The following NRXN1 variants were observed in gnomAD, a reference collection of about 807,000 sequenced individuals.
The protein encoded by NRXN1 is neurexin-1.
A neutral mutation model predicts 150.9 loss-of-function variants in NRXN1; 39 were observed. That is an observed-to-expected ratio of 0.26 (90% confidence interval 0.20 to 0.34). The LOEUF is 0.34. Ranked by LOEUF, NRXN1 falls within the 10% of genes least tolerant of loss-of-function variation. The probability of loss-of-function intolerance (pLI) is 1.00; values close to 1 mark genes in which losing one functional copy is unlikely to be tolerated. For synonymous variants in NRXN1, 924 were observed against 757.0 expected (o/e 1.22, Z -3.62); for missense variants, 1,815 against 1,949.9 (o/e 0.93, Z 1.30).
At chr2:50,061,027 G>A (rs1364142353) in intron 19 of NRXN1, among the ~76,000 whole-genome samples, 1 of 152,120 alleles carries the variant, frequency 6.6e-6, no homozygotes, top group African/African-American at 2.4e-5. Context: ...AGAATGTTTA[G>A]GTTCTCCAGC....
chr2:49,988,113 T>G (rs1681240980), intron 21 of NRXN1, among the ~76,000 whole-genome samples: 1 of 152,074 alleles, frequency 6.6e-6, no homozygotes, highest in Non-Finnish European at 1.5e-5. Context: ...CCTGCTAAAT[T>G]GCTGCAAAAT....
rs79151435 is a variant in NRXN1, at chr2:50,521,762, T to C, written c.2374+6863A>G. On this transcript the variant is annotated intron_variant, in intron 12 of 22. Transcript: ENST00000401669. ...AAAGATGCTTGTGTAGAAAGCTTGC[T>C]GCTCCTACATCTGCTCTGAGGAGAG... is the stretch of plus-strand genomic sequence containing the variant. Among the ~76,000 whole-genome samples the C allele has an allele frequency of 4.5e-3, 689 of 152,296 alleles. 2 individuals are homozygous for C. Among genetic ancestry groups the C allele is most frequent in the African/African-American group, 0.015 (626 of 41,568 alleles).
At chr2:50,629,178 G>A (rs186032709) in intron 5 of NRXN1, among the ~76,000 whole-genome samples, 25 of 151,772 alleles carry the variant, frequency 1.6e-4, no homozygotes, top group African/African-American at 5.3e-4. Context: ...AATGTTTACA[G>A]TGTTACCCTG....
At chr2:50,709,254 T>A (rs1267855840) in intron 5 of NRXN1, among the ~76,000 whole-genome samples, 2 of 152,168 alleles carry the variant, frequency 1.3e-5, no homozygotes, top group Non-Finnish European at 2.9e-5. Context: ...ATATGCTTGC[T>A]AGGTACTGAG....
chr2:50,170,663 T>G (rs996508127), intron 18 of NRXN1, among the ~76,000 whole-genome samples: 2 of 152,020 alleles, frequency 1.3e-5, no homozygotes, highest in Non-Finnish European at 2.9e-5. Context: ...GCTCAAATAG[T>G]GCAAATATTC....
At position 51,028,265 on chromosome 2, in the gene NRXN1, C is replaced by T. The variant is rs770820205; in HGVS notation, c.9G>A (p.Thr3=). The change falls in exon 2 of 23, where the codon ACG becomes ACA. Residue 3 remains threonine, a synonymous_variant. Transcript: ENST00000401669. MG[T]ALLQRGGCFL... ...AACAGCCCCCGCGCTGGAGCAGCGC[C>T]GTCCCCATGCTCGGGGCTGGGGTGC... is the stretch of plus-strand genomic sequence containing the variant. 4 of 1,447,172 alleles carry T rather than the reference C, an allele frequency of 2.8e-6. No homozygotes were observed. The highest frequency in any genetic ancestry group is 3.6e-6 in the Non-Finnish European group (4 of 1,105,838). The allele number at this position is 1,447,172 out of a possible 1,614,324, so 89.6% of individuals were successfully genotyped here.
intron 2 of NRXN1, among the ~76,000 whole-genome samples, chr2:50,989,312 T>A (rs1453743017): frequency 6.6e-6 from 1 of 152,010 alleles, no homozygotes; most frequent in Non-Finnish European, 1.5e-5. Flanking sequence ...GAGAATACAA[T>A]TGTTAAAGTT....
At chr2:50,204,830 A>C (rs1173221378) in intron 18 of NRXN1, among the ~76,000 whole-genome samples, 4 of 152,096 alleles carry the variant, frequency 2.6e-5, no homozygotes, top group Non-Finnish European at 4.4e-5. Flanking sequence ...ATACCAAAAA[A>C]AATCTGGATT....
At position 50,996,291 on chromosome 2, in the gene NRXN1, T is replaced by C. The variant is rs546845029; in HGVS notation, c.772+31211A>G. Among the ~76,000 whole-genome samples, 5 of 152,226 alleles carry C rather than the reference T, an allele frequency of 3.3e-5. No homozygotes were observed. The South Asian group carries it at 1.0e-3, about 32-fold the overall frequency. On this transcript the variant is annotated intron_variant, in intron 2 of 22. Coordinates refer to ENST00000401669, the MANE Select transcript of NRXN1 (RefSeq NM_001330078.2). Reference sequence around the variant, plus strand: ...CATGCTTAAAGTATATTCGCTTGAATGAGATTATCATCTCATATCTGCTTC... The same window carrying C: ...CATGCTTAAAGTATATTCGCTTGAACGAGATTATCATCTCATATCTGCTTC...
At chr2:50,882,985 C>T (rs549934512) in intron 5 of NRXN1, among the ~76,000 whole-genome samples, 1 of 151,642 alleles carries the variant, frequency 6.6e-6, no homozygotes, top group Non-Finnish European at 1.5e-5. Context: ...TGGTAACAGA[C>T]AACTGTCATA....
chr2:50,991,320 G>A (rs985224073), intron 2 of NRXN1, among the ~76,000 whole-genome samples: 2 of 151,932 alleles, frequency 1.3e-5, no homozygotes, highest in African/African-American at 4.8e-5. Context: ...CCAATTTTCT[G>A]CAAAGGTGAC....
At chr2:50,216,876 T>C (rs1286167988) in intron 18 of NRXN1, among the ~76,000 whole-genome samples, 1 of 152,096 alleles carries the variant, frequency 6.6e-6, no homozygotes, top group Non-Finnish European at 1.5e-5. Flanking sequence ...TAATCACAAG[T>C]TCTAAATTAT....
intron 5 of NRXN1, among the ~76,000 whole-genome samples, chr2:50,680,313 G>A (rs564520571): frequency 1.2e-3 from 179 of 151,760 alleles, no homozygotes; most frequent in South Asian, 6.9e-3. Flanking sequence ...TCTTTGAATC[G>A]AATTTATTAC....
chr2:50,169,187 T>G (rs1466713099), intron 18 of NRXN1, among the ~76,000 whole-genome samples: 1 of 152,156 alleles, frequency 6.6e-6, no homozygotes, highest in African/African-American at 2.4e-5. Flanking sequence ...ACATAGAACT[T>G]AAATCACTTG....
intron 17 of NRXN1, among the ~76,000 whole-genome samples, chr2:50,405,835 A>G (rs1251858752): frequency 6.6e-6 from 1 of 152,202 alleles, no homozygotes; most frequent in African/African-American, 2.4e-5. Context: ...AGGAAAAATA[A>G]TAATAGCTAA....
At chr2:50,504,180 G>T (rs6754640) in intron 13 of NRXN1, among the ~76,000 whole-genome samples, 1 of 147,542 alleles carries the variant, frequency 6.8e-6, no homozygotes, top group Admixed American at 6.7e-5. Context: ...CCTAGACTGC[G>T]CACTGTGCTG....
At chr2:49,978,256 A>C (rs1438594084) in intron 21 of NRXN1, among the ~76,000 whole-genome samples, 2 of 152,162 alleles carry the variant, frequency 1.3e-5, no homozygotes, top group Non-Finnish European at 2.9e-5. Context: ...CTCAAATTAT[A>C]ATTCTGAGGC....
intron 8 of NRXN1, among the ~76,000 whole-genome samples, chr2:50,611,696 T>A (rs1276659331): frequency 6.6e-6 from 1 of 152,244 alleles, no homozygotes; most frequent in Non-Finnish European, 1.5e-5. Context: ...TGTGCATTCC[T>A]GTTTGTATGG....
intron 5 of NRXN1, among the ~76,000 whole-genome samples, chr2:50,878,997 T>G (rs1359041294): frequency 6.6e-6 from 1 of 151,980 alleles, no homozygotes; most frequent in South Asian, 2.1e-4. Context: ...AACTTGGCTA[T>G]GATGACCAGT....
Sources: allele counts gnomAD v4.1 joint callset (sites outside exome capture counted in the v4.1 genomes callset), GRCh38; gene constraint gnomAD v4.1.1; transcripts MANE v1.5; gene names NCBI Gene and HGNC (gene_info 2026-07-23, HGNC 2026-07-21).